Variants in DCAF6 observed in about 807,000 individuals in gnomAD.
DCAF6 encodes DDB1 and CUL4 associated factor 6.
A neutral mutation model predicts 125.1 loss-of-function variants in DCAF6; 54 were observed. The ratio of observed to expected loss-of-function variants is 0.43; its 90% CI spans 0.35 to 0.54. The LOEUF (loss-of-function observed/expected upper bound fraction) is 0.54. DCAF6 is among the 20% of genes least tolerant of loss of function. DCAF6 has a pLI of 0.01. For missense variants in DCAF6, 934 were observed against 1,161.7 expected (o/e 0.80, Z 2.85); for synonymous variants, 371 against 390.4 (o/e 0.95, Z 0.58).
At chr1:168,042,069 A>G (rs545989673) in intron 13 of DCAF6, among the ~76,000 whole-genome samples, 17 of 152,090 alleles carry the variant, frequency 1.1e-4, no homozygotes, top group African/African-American at 4.1e-4. Flanking sequence ...AATATTATAT[A>G]TGTACTCTCT....
At chr1:167,913,047 T>A in the DCAF6 span, among the ~76,000 whole-genome samples, 7 of 152,350 alleles carry the variant, frequency 4.6e-5, no homozygotes, top group African/African-American at 1.7e-4. Flanking sequence ...AGGTTTAATT[T>A]AAGAGCACTT....
intron 3 of DCAF6, among the ~76,000 whole-genome samples, chr1:167,972,088 T>G (rs1295816227): frequency 6.6e-6 from 1 of 152,172 alleles, no homozygotes; most frequent in Non-Finnish European, 1.5e-5. Flanking sequence ...ACTCCTGACT[T>G]CAGGTGATCC....
Position 167,966,609 on chromosome 1 carries a change from C to G in DCAF6, c.160-20C>G, listed in dbSNP as rs763951286. 1 of 1,488,758 alleles carries G rather than the reference C, an allele frequency of 6.7e-7. No homozygotes were observed. The highest frequency in any genetic ancestry group is 2.3e-5 in the East Asian group (1 of 44,158). The allele number at this position is 1,488,758 out of a possible 1,614,324, so 92.2% of individuals were successfully genotyped here. On this transcript the variant is annotated intron_variant, in intron 2 of 21. Transcript: ENST00000367840. ...TTTTATGTCCAATTTGCTTATATTT[C>G]TTTTTTGCTTTCTCTTTAGGTTAAT...
At chr1:168,042,952 TA>T (rs772521242) in intron 13 of DCAF6, 72 bp from the exon 14 acceptor site, 4 of 1,130,514 alleles carry the variant, frequency 3.5e-6, no homozygotes, top group East Asian at 4.9e-5. Context: ...TTTCTAGTTG[TA>T]AAATATAAAA....
At chr1:168,012,698 A>C (rs932514026) in intron 10 of DCAF6, among the ~76,000 whole-genome samples, 2 of 152,196 alleles carry the variant, frequency 1.3e-5, no homozygotes, top group Non-Finnish European at 2.9e-5. Flanking sequence ...GTTAACAGCT[A>C]TGTGGTGACT....
the DCAF6 span, among the ~76,000 whole-genome samples, chr1:167,925,824 G>A: frequency 3.3e-5 from 5 of 152,094 alleles, no homozygotes; most frequent in African/African-American, 7.2e-5. Flanking sequence ...TGGGATTACA[G>A]GCGTGAGCCA....
At chr1:167,892,499 TCA>T in the DCAF6 span, among the ~76,000 whole-genome samples, 2 of 152,232 alleles carry the variant, frequency 1.3e-5, no homozygotes, top group African/African-American at 4.8e-5. Context: ...TCCCAGTGAC[TCA>T]CAGAGTCCAT....
At chr1:167,991,839 G>A (rs1680881556) in intron 6 of DCAF6, among the ~76,000 whole-genome samples, 2 of 152,072 alleles carry the variant, frequency 1.3e-5, no homozygotes, top group South Asian at 4.2e-4. Context: ...TAGGGCACTA[G>A]TCATACTGGA....
chr1:168,022,455 T>C (rs1352254974), intron 11 of DCAF6, among the ~76,000 whole-genome samples: 1 of 152,232 alleles, frequency 6.6e-6, no homozygotes, highest in African/African-American at 2.4e-5. Context: ...GTCATGCATG[T>C]TTCTGTAATG....
intron 12 of DCAF6, among the ~76,000 whole-genome samples, chr1:168,031,095 A>G (rs191422341): frequency 2.6e-5 from 4 of 152,372 alleles, no homozygotes; most frequent in Admixed American, 2.6e-4. Flanking sequence ...CAGAAAAGAT[A>G]TCAGAGCTCA....
At chr1:167,918,413 G>A in the DCAF6 span, 8 of 1,168,906 alleles carry the variant, frequency 6.8e-6, no homozygotes, top group Non-Finnish European at 9.9e-6. Context: ...ACAAATTTAT[G>A]GTAAGGAGAG....
chr1:167,993,470 C>T (rs1409360603), intron 7 of DCAF6, 30 bp downstream of exon 7: 4 of 1,593,832 alleles, frequency 2.5e-6, no homozygotes, highest in Non-Finnish European at 3.4e-6. Context: ...TGTCCTTTGG[C>T]CGGGCGCGGT....
chr1:167,978,462 T>C (rs558517922), intron 4 of DCAF6, among the ~76,000 whole-genome samples: 5 of 152,336 alleles, frequency 3.3e-5, no homozygotes, highest in African/African-American at 1.2e-4. Context: ...ACTACTGAGG[T>C]TGAGCATCTC....
chr1:167,963,669 TCCAC>T (rs1189123582), intron 2 of DCAF6, among the ~76,000 whole-genome samples: 1 of 152,168 alleles, frequency 6.6e-6, no homozygotes, highest in Non-Finnish European at 1.5e-5. Context: ...CCTCAAGTGA[TCCAC>T]CCACCTTGGC....
intron 2 of DCAF6, among the ~76,000 whole-genome samples, chr1:167,957,792 A>G (rs1452351442): frequency 6.6e-6 from 1 of 151,926 alleles, no homozygotes; most frequent in African/African-American, 2.4e-5. Flanking sequence ...GCCAACTCTT[A>G]TTTTCTGTTT....
the DCAF6 span, among the ~76,000 whole-genome samples, chr1:167,905,440 C>A: frequency 6.6e-6 from 1 of 152,132 alleles, no homozygotes; most frequent in Non-Finnish European, 1.5e-5. Flanking sequence ...GGTAGCTGAA[C>A]GGCTCAACTC....
chr1:167,896,347 G>C, the DCAF6 span, among the ~76,000 whole-genome samples: 1 of 152,166 alleles, frequency 6.6e-6, no homozygotes. Flanking sequence ...TTTATCCTAG[G>C]GGATACTTAT....
the DCAF6 span, among the ~76,000 whole-genome samples, chr1:167,869,795 C>T: frequency 1.2e-4 from 18 of 151,988 alleles, no homozygotes; most frequent in Non-Finnish European, 8.8e-5. Flanking sequence ...AGCACCTTGA[C>T]GAGCTCGGAT....
intron 4 of DCAF6, among the ~76,000 whole-genome samples, chr1:167,977,208 GTT>G (rs532923328): frequency 1.3e-4 from 17 of 127,120 alleles, no homozygotes; most frequent in Admixed American, 1.6e-4. Flanking sequence ...CTGGGCCACA[GTT>G]TTTTTTTTTT....
Sources: gnomAD v4.1 joint callset for allele counts (sites outside exome capture counted in the v4.1 genomes callset) on GRCh38, gnomAD v4.1.1 for gene constraint, MANE v1.5 for transcripts, NCBI Gene and HGNC (gene_info 2026-07-23, HGNC 2026-07-21) for gene names.